SH3PXD2B: variants seen among roughly 807,000 people sequenced by gnomAD.
The protein encoded by SH3PXD2B is SH3 and PX domain-containing protein 2B.
A neutral mutation model predicts 73.1 loss-of-function variants in SH3PXD2B; 37 were observed. That is an observed-to-expected ratio of 0.51 (90% CI 0.39 to 0.67). SH3PXD2B has a LOEUF of 0.67. SH3PXD2B is among the 30% of genes least tolerant of loss of function. SH3PXD2B has a pLI of 0.00. For missense variants in SH3PXD2B, 1,053 were observed against 1,197.8 expected, an observed-to-expected ratio of 0.88 and a Z score of 1.78; for synonymous variants, 457 against 480.5, an observed-to-expected ratio of 0.95 and a Z score of 0.64.
At chr5:172,440,020 C>T (rs1759517837) in intron 1 of SH3PXD2B, among the ~76,000 whole-genome samples, 1 of 152,200 alleles carries the variant, frequency 6.6e-6, no homozygotes, top group Admixed American at 6.5e-5. Context: ...CCGGAACCAA[C>T]CTGAAGGCTG....
intron 10 of SH3PXD2B, among the ~76,000 whole-genome samples, chr5:172,348,029 G>A (rs1757033924): frequency 6.6e-6 from 1 of 152,150 alleles, no homozygotes; most frequent in African/African-American, 2.4e-5. Flanking sequence ...GTTCAGCACG[G>A]GTCCATACAG....
intron 3 of SH3PXD2B, among the ~76,000 whole-genome samples, chr5:172,395,659 T>C (rs147730228): frequency 6.6e-6 from 1 of 152,336 alleles, no homozygotes; most frequent in Non-Finnish European, 1.5e-5. Context: ...GGGGAGATAG[T>C]GGCGAAGCAT....
chr5:172,374,781 T>C lies in SH3PXD2B; in HGVS notation c.402-966A>G, dbSNP rs570940167. On this transcript the variant is annotated intron_variant, in intron 5 of 12. Transcript: ENST00000311601. The stretch of plus-strand genomic sequence containing the variant: ...ATCTCATGAGTAATGAAGTTTGCAG[T>C]GGTTGGGTTGGGATGGACATTGTGG... 2.0e-5 allele frequency among the ~76,000 whole-genome samples: 3 copies of C among 152,274 alleles called. No homozygotes were observed. The East Asian group carries it at 5.8e-4, about 29-fold the overall frequency.
At chr5:172,377,730 C>T (rs1757848219) in intron 5 of SH3PXD2B, among the ~76,000 whole-genome samples, 1 of 152,202 alleles carries the variant, frequency 6.6e-6, no homozygotes, top group African/African-American at 2.4e-5. Context: ...ACATATACTC[C>T]AGCATGATGG....
chr5:172,427,673 CAG>C (rs1248241773), intron 1 of SH3PXD2B, among the ~76,000 whole-genome samples: 2 of 151,656 alleles, frequency 1.3e-5, no homozygotes, highest in Non-Finnish European at 2.9e-5. Context: ...TTAATGGGTG[CAG>C]AGTTTCAGTC....
chr5:172,358,740 C>T (rs547275184), intron 8 of SH3PXD2B, 33 bp downstream of exon 8: 1 of 1,583,230 alleles, frequency 6.3e-7, no homozygotes, highest in African/African-American at 1.3e-5. Context: ...CACAGGTCCT[C>T]CCCAGTGAGC....
chr5:172,386,014 G>A (rs924671892), intron 4 of SH3PXD2B, among the ~76,000 whole-genome samples: 10 of 152,202 alleles, frequency 6.6e-5, no homozygotes, highest in Non-Finnish European at 1.2e-4. Flanking sequence ...GGATCCTGGC[G>A]CTTTGGACAG....
downstream of SH3PXD2B, among the ~76,000 whole-genome samples, chr5:172,330,100 AC>A (rs1756528205): frequency 1.3e-5 from 2 of 152,150 alleles, no homozygotes; most frequent in African/African-American, 4.8e-5. Flanking sequence ...CAGAATACAC[AC>A]CGGTTGAGCT....
chr5:172,334,936 G>A lies in SH3PXD2B; in HGVS notation c.*3433C>T. ...AATTGATTCTATGGCGTGGCCTTGTGGCAGAGGTTTAAAATGACTACCGTA... is the reference window on the plus strand; with the variant it reads ...AATTGATTCTATGGCGTGGCCTTGTAGCAGAGGTTTAAAATGACTACCGTA... On this transcript the variant is annotated 3_prime_UTR_variant, in exon 13 of 13. Coordinates refer to ENST00000311601, the MANE Select transcript of SH3PXD2B (RefSeq NM_001017995.3). The A allele has an allele frequency of 1.0e-6, 1 of 985,398 alleles. No individual in the cohort carries two copies. Among genetic ancestry groups the A allele is most frequent in the Non-Finnish European group, 1.2e-6 (1 of 829,944 alleles). 61.0% of individuals were successfully genotyped at this position (985,398 alleles called of 1,614,324 possible).
At chr5:172,374,363 C>T (rs767625084) in intron 5 of SH3PXD2B, among the ~76,000 whole-genome samples, 1 of 152,046 alleles carries the variant, frequency 6.6e-6, no homozygotes, top group Non-Finnish European at 1.5e-5. Flanking sequence ...CCCTTACCGT[C>T]GTCACCCGTG....
intron 7 of SH3PXD2B, among the ~76,000 whole-genome samples, chr5:172,362,057 C>T (rs535325071): frequency 6.6e-6 from 1 of 152,302 alleles, no homozygotes; most frequent in African/African-American, 2.4e-5. Context: ...GGAAGGCAAA[C>T]GGGAAGGAAA....
intron 3 of SH3PXD2B, among the ~76,000 whole-genome samples, chr5:172,402,146 G>GT (rs986459557): frequency 1.8e-4 from 27 of 152,230 alleles, no homozygotes; most frequent in Admixed American, 6.5e-4. Context: ...CTAGGGGGAG[G>GT]TATCTGAAAT....
At chr5:172,360,490 G>A (rs1473673080) in intron 7 of SH3PXD2B, among the ~76,000 whole-genome samples, 1 of 152,196 alleles carries the variant, frequency 6.6e-6, no homozygotes, top group Admixed American at 6.5e-5. Context: ...AATCAAAACA[G>A]CCACTGTTTT....
chr5:172,414,553 A>G (rs961240015), intron 2 of SH3PXD2B, among the ~76,000 whole-genome samples: 1 of 151,892 alleles, frequency 6.6e-6, no homozygotes, highest in Non-Finnish European at 1.5e-5. Flanking sequence ...GACTTGGGAC[A>G]GTCTCTGGAG....
At chr5:172,449,568 A>G (rs1166008604) in intron 1 of SH3PXD2B, among the ~76,000 whole-genome samples, 1 of 152,234 alleles carries the variant, frequency 6.6e-6, no homozygotes, top group East Asian at 1.9e-4. Context: ...AATATATCGA[A>G]AAACAGGCAA....
chr5:172,436,716 A>AG (rs552311069), intron 1 of SH3PXD2B, among the ~76,000 whole-genome samples: 1 of 152,176 alleles, frequency 6.6e-6, no homozygotes, highest in Non-Finnish European at 1.5e-5. Flanking sequence ...CAGTGCACGG[A>AG]GGGGCTAGGG....
rs965192945 is a variant in SH3PXD2B at position 172,454,468 on chromosome 5, G to C, written c.-116C>G. 6.5e-6 allele frequency: 3 copies of C among 464,900 alleles called. No individual in the cohort carries two copies. Among genetic ancestry groups the C allele is most frequent in the Non-Finnish European group, 8.8e-6 (3 of 339,868 alleles). 28.8% of individuals were successfully genotyped at this position (464,900 alleles called of 1,614,324 possible). On this transcript the variant is annotated 5_prime_UTR_variant, in exon 1 of 13. Coordinates refer to ENST00000311601, the MANE Select transcript of SH3PXD2B (RefSeq NM_001017995.3). Reference sequence around the variant, plus strand: ...CCTGGAGCTGAGCGCAATCGCAGCCGGGGCCGAGCACGAGCCGCCGCCGCC... The same window carrying C: ...CCTGGAGCTGAGCGCAATCGCAGCCCGGGCCGAGCACGAGCCGCCGCCGCC...
At chr5:172,364,606 A>T (rs1165223181) in intron 6 of SH3PXD2B, among the ~76,000 whole-genome samples, 1 of 152,198 alleles carries the variant, frequency 6.6e-6, no homozygotes, top group Non-Finnish European at 1.5e-5. Context: ...CAGAGGTTGC[A>T]GTGACCTGAG....
chr5:172,366,952 T>C (rs1757541906), intron 6 of SH3PXD2B, among the ~76,000 whole-genome samples: 1 of 128,044 alleles, frequency 7.8e-6, no homozygotes, highest in African/African-American at 4.0e-5. Context: ...TTTTTTTTTT[T>C]TGGGGACAGA....
Sources: allele counts gnomAD v4.1 joint callset (sites outside exome capture counted in the v4.1 genomes callset), GRCh38; gene constraint gnomAD v4.1.1; transcripts MANE v1.5; gene names NCBI Gene and HGNC (gene_info 2026-07-23, HGNC 2026-07-21).